The following KLHL2 variants were observed in gnomAD, a reference collection of about 807,000 sequenced individuals.
The protein encoded by KLHL2 is kelch like family member 2, also known as kelch-like protein 2.
A neutral mutation model predicts 75.8 loss-of-function variants in KLHL2; 15 were observed. The observed-to-expected ratio is 0.20, with a 90% CI of 0.13 to 0.30. KLHL2 has a LOEUF of 0.30. KLHL2 is among the 10% of genes least tolerant of loss of function. The probability of loss-of-function intolerance (pLI) is 1.00; values close to 1 mark genes in which losing one functional copy is unlikely to be tolerated. For synonymous variants in KLHL2, 214 were observed against 251.9 expected (o/e 0.85, Z 1.42); for missense variants, 381 against 741.0 (o/e 0.51, Z 5.64).
chr4:165,252,184 ACAAAT>A (rs1306954973), intron 4 of KLHL2, among the ~76,000 whole-genome samples: 1 of 152,160 alleles, frequency 6.6e-6, no homozygotes, highest in Non-Finnish European at 1.5e-5. Context: ...ACAAATAGAA[ACAAAT>A]CAAAGTCCTT....
intron 2 of KLHL2, among the ~76,000 whole-genome samples, chr4:165,225,685 G>T (rs1452831431): frequency 6.6e-6 from 1 of 152,166 alleles, no homozygotes; most frequent in African/African-American, 2.4e-5. Context: ...GTAAGGGCCA[G>T]ACTCAGTGTA....
At chr4:165,245,551 C>A (rs1354405253) in intron 4 of KLHL2, among the ~76,000 whole-genome samples, 1 of 152,118 alleles carries the variant, frequency 6.6e-6, no homozygotes, top group Non-Finnish European at 1.5e-5. Flanking sequence ...AACCCAGGAT[C>A]TGGGGCTTGT....
intron 1 of KLHL2, chr4:165,209,928 C>A: frequency 8.3e-7 from 1 of 1,212,018 alleles, no homozygotes; most frequent in South Asian, 1.7e-5. Context: ...TGTTTGCCTC[C>A]ACTCCCATTA....
intron 1 of KLHL2, among the ~76,000 whole-genome samples, chr4:165,214,687 C>T (rs1277599617): frequency 6.6e-6 from 1 of 152,182 alleles, no homozygotes; most frequent in Non-Finnish European, 1.5e-5. Context: ...TCTTTAATAC[C>T]TCCCTCTGCC....
At chr4:165,302,946 T>C (rs962486041) in intron 8 of KLHL2, among the ~76,000 whole-genome samples, 2 of 152,198 alleles carry the variant, frequency 1.3e-5, no homozygotes, top group Non-Finnish European at 2.9e-5. Context: ...GCATAATTAG[T>C]ATGGTGTTTC....
chr4:165,304,856 CTT>C (rs1345009341), intron 8 of KLHL2, among the ~76,000 whole-genome samples: 1 of 152,156 alleles, frequency 6.6e-6, no homozygotes, highest in Admixed American at 6.6e-5. Flanking sequence ...GAGACCATGT[CTT>C]ATATTTCTTA....
chr4:165,234,647 C>T (rs1468285745), intron 3 of KLHL2, among the ~76,000 whole-genome samples: 1 of 131,236 alleles, frequency 7.6e-6, no homozygotes, highest in Non-Finnish European at 1.5e-5. Flanking sequence ...GATGGAGTCT[C>T]GCTCTGTACC....
chr4:165,236,144 G>T (rs2111082667), intron 3 of KLHL2, among the ~76,000 whole-genome samples: 1 of 152,306 alleles, frequency 6.6e-6, no homozygotes, highest in Non-Finnish European at 1.5e-5. Flanking sequence ...AGTTCTGCAA[G>T]TTTTAGTGAA....
At chr4:165,232,972 A>C (rs1739033678) in intron 3 of KLHL2, among the ~76,000 whole-genome samples, 1 of 143,414 alleles carries the variant, frequency 7.0e-6, no homozygotes, top group Admixed American at 7.5e-5. Flanking sequence ...CATCATGTAC[A>C]TTTACATTCT....
chr4:165,210,082 A>C (rs1290335774), intron 1 of KLHL2: 1 of 1,551,476 alleles, frequency 6.4e-7, no homozygotes, highest in African/African-American at 1.4e-5. Flanking sequence ...GCTTTTCATG[A>C]AGTTAGATTT....
At chr4:165,211,060 T>C (rs549492398) in intron 1 of KLHL2, among the ~76,000 whole-genome samples, 1 of 152,334 alleles carries the variant, frequency 6.6e-6, no homozygotes, top group Non-Finnish European at 1.5e-5. Flanking sequence ...TGGTCATGCA[T>C]AGGCAGAAAA....
At position 165,279,689 on chromosome 4, in the gene KLHL2, G is replaced by C. The variant is rs766208187; in HGVS notation, c.545-14670G>C. 7 of 1,538,796 alleles carry C rather than the reference G, an allele frequency of 4.5e-6. No individual in the cohort carries two copies. In the South Asian group the frequency reaches 7.8e-5, roughly 17 times the overall value. Reference sequence around the variant, plus strand: ...GCCCGCGTTTGCGGCCGGTTTCCTGGGTGACGGCGGCGGGAGGGGGAGGGG... The same window carrying C: ...GCCCGCGTTTGCGGCCGGTTTCCTGCGTGACGGCGGCGGGAGGGGGAGGGG... On this transcript the variant is annotated intron_variant, in intron 5 of 14. Transcript: ENST00000226725.
At chr4:165,227,150 T>A (rs1383030514) in intron 2 of KLHL2, among the ~76,000 whole-genome samples, 2 of 152,168 alleles carry the variant, frequency 1.3e-5, no homozygotes, top group Non-Finnish European at 1.5e-5. Context: ...TATAAATTAG[T>A]GATACTGTGC....
At chr4:165,276,783 T>G (rs1314315013) in intron 5 of KLHL2, among the ~76,000 whole-genome samples, 1 of 152,186 alleles carries the variant, frequency 6.6e-6, no homozygotes, top group Non-Finnish European at 1.5e-5. Context: ...TTTATTTCTA[T>G]ATTTTTTTCT....
chr4:165,274,561 A>G (rs1742929595), intron 5 of KLHL2, among the ~76,000 whole-genome samples: 1 of 150,670 alleles, frequency 6.6e-6, no homozygotes, highest in Non-Finnish European at 1.5e-5. Flanking sequence ...GTGAGCAGAG[A>G]TCTCTCCACT....
At chr4:165,296,247 T>C (rs997657876) in intron 6 of KLHL2, among the ~76,000 whole-genome samples, 8 of 152,216 alleles carry the variant, frequency 5.3e-5, no homozygotes, top group African/African-American at 1.9e-4. Context: ...CCACCTACTT[T>C]TGTCTGGCTC....
chr4:165,279,578 G>A (rs763426567), intron 5 of KLHL2: 2 of 1,600,510 alleles, frequency 1.2e-6, no homozygotes, highest in South Asian at 2.2e-5. Context: ...CAAAAAGCGC[G>A]TGGAACTGGT....
At chr4:165,264,545 C>T (rs1226664087) in intron 5 of KLHL2, among the ~76,000 whole-genome samples, 1 of 148,488 alleles carries the variant, frequency 6.7e-6, no homozygotes, top group East Asian at 2.0e-4. Flanking sequence ...CTGCAAAAGA[C>T]ATTATTTCTT....
chr4:165,259,965 G>A (rs758968927), intron 4 of KLHL2, among the ~76,000 whole-genome samples: 2 of 151,768 alleles, frequency 1.3e-5, no homozygotes, highest in African/African-American at 2.4e-5. Context: ...AGCTGTTTGA[G>A]TGGTTTTGAT....
Sources: gnomAD v4.1 joint callset for allele counts (sites outside exome capture counted in the v4.1 genomes callset) on GRCh38, gnomAD v4.1.1 for gene constraint, MANE v1.5 for transcripts, NCBI Gene and HGNC (gene_info 2026-07-23, HGNC 2026-07-21) for gene names.